RCC1: variants seen among roughly 807,000 people sequenced by gnomAD.
The protein encoded by RCC1 is regulator of chromosome condensation.
RCC1 carries 11 observed loss-of-function variants against 44.4 expected under a neutral mutation model. The observed-to-expected ratio is 0.25, with a 90% CI of 0.16 to 0.41. The LOEUF (loss-of-function observed/expected upper bound fraction) is 0.41. Among genes scored for constraint, RCC1 ranks in the 10% least tolerant of loss-of-function variants. RCC1 has a pLI of 1.00. For missense variants in RCC1, 386 were observed against 547.1 expected (o/e 0.71, Z 2.94); for synonymous variants, 213 against 216.5 (o/e 0.98, Z 0.14).
At chr1:28,506,123 C>T (rs895994631) in intron 1 of RCC1, 39 bp downstream of exon 1, 2 of 454,814 alleles carry the variant, frequency 4.4e-6, no homozygotes, top group South Asian at 3.1e-5. Context: ...AGATGCTTGC[C>T]ACCGGAGTTG....
intron 4 of RCC1, among the ~76,000 whole-genome samples, chr1:28,520,539 T>A (rs1217175231): frequency 2.0e-5 from 3 of 152,192 alleles, no homozygotes; most frequent in Non-Finnish European, 4.4e-5. Flanking sequence ...CTGAGCCTCA[T>A]CTTCCCCTTA....
At chr1:28,506,228 G>A (rs1220784833) in intron 1 of RCC1, 144 bp downstream of exon 1, 2 of 432,028 alleles carry the variant, frequency 4.6e-6, no homozygotes, top group Non-Finnish European at 9.1e-6. Context: ...AGACGGAGTC[G>A]GTTTGTCACT....
intron 2 of RCC1, 194 bp from the exon 3 acceptor site, chr1:28,508,636 T>A (rs1039476266): frequency 1.9e-6 from 1 of 518,910 alleles, no homozygotes; most frequent in African/African-American, 1.9e-5. Context: ...CTCTGCCCCA[T>A]GATGTACAGT....
chr1:28,536,339 TTC>T lies in RCC1; in HGVS notation c.899_900del (p.Ser300TrpfsTer22), dbSNP rs1447932639. 1.2e-6 allele frequency: 2 copies of T among 1,614,054 alleles called. No individual in the cohort carries two copies. The highest frequency in any genetic ancestry group is 1.7e-6 in the Non-Finnish European group (2 of 1,180,016). ...FKNSTKSWVG[F>X]SGGQHHTVCM... is the part of the protein sequence containing the mutation. ...GAATTCCACCAAGTCCTGGGTGGGC[TTC>T]TCTGGTGGCCAGCACCATACAGTCT... On this transcript the variant is annotated frameshift_variant, in exon 11 of 13. Coordinates refer to ENST00000683442, the MANE Select transcript of RCC1 (RefSeq NM_001381865.2). LOFTEE classifies it high-confidence loss of function. This position sits in a 1 kb window ranked among gnomAD's most constrained non-coding sequence, Gnocchi z 4.9.
intron 4 of RCC1, among the ~76,000 whole-genome samples, chr1:28,521,166 G>A (rs1663242675): frequency 6.6e-6 from 1 of 152,046 alleles, no homozygotes; most frequent in African/African-American, 2.4e-5. Context: ...TGCAGTAGAG[G>A]CTGTGCAGGC....
chr1:28,527,485 C>G (rs1234164418), intron 4 of RCC1, among the ~76,000 whole-genome samples: 1 of 152,120 alleles, frequency 6.6e-6, no homozygotes, highest in Non-Finnish European at 1.5e-5. Context: ...TCAAGCGATC[C>G]TCCTGCCTCG....
At chr1:28,519,869 G>A (rs1194026759) in intron 4 of RCC1, among the ~76,000 whole-genome samples, 3 of 150,948 alleles carry the variant, frequency 2.0e-5, no homozygotes, top group Admixed American at 2.0e-4. Context: ...CACCGCACCC[G>A]GCCAATTTTT....
chr1:28,506,782 A>C (rs1661977677), intron 1 of RCC1: 1 of 156,164 alleles, frequency 6.4e-6, no homozygotes, highest in Admixed American at 6.2e-5. Flanking sequence ...CACCACTGCA[A>C]CCTCCGCCTG....
At chr1:28,515,681 C>T (rs1557869503) in intron 3 of RCC1, among the ~76,000 whole-genome samples, 1 of 152,024 alleles carries the variant, frequency 6.6e-6, no homozygotes, top group Non-Finnish European at 1.5e-5. Flanking sequence ...TGCACCACTG[C>T]ACTCCAGCCT....
In RCC1 at chr1:28,508,689, C is replaced by T. The variant is rs150540883; in HGVS notation, c.-228-141C>T. The T allele has an allele frequency of 7.4e-3, 3,848 of 519,000 alleles. 65 individuals are homozygous for T. The highest frequency in any genetic ancestry group is 0.026 in the South Asian group (1,872 of 71,588). The allele number at this position is 519,000 out of a possible 1,614,324, so 32.1% of individuals were successfully genotyped here. A position where few individuals can be genotyped will look rare whatever the true frequency, so the allele number is the denominator to read the frequency against. On this transcript the variant is annotated intron_variant, in intron 2 of 12. Coordinates refer to ENST00000683442, the MANE Select transcript of RCC1 (RefSeq NM_001381865.2). The stretch of plus-strand genomic sequence containing the variant: ...AAGATGAAGCTGGGCCTCGTGTCTG[C>T]GCCTGCATATTCCTACAGCTTCCCA...
At chr1:28,510,594 T>G (rs1337925533) in intron 3 of RCC1, 38 of 152,150 alleles carry the variant, frequency 2.5e-4, no homozygotes, top group Admixed American at 1.6e-3. Flanking sequence ...CAGAGTTAAG[T>G]CTCAAAAAAA....
At position 28,535,896 on chromosome 1, in the gene RCC1, G is replaced by A; in HGVS notation, c.687G>A (p.Val229=). The A allele has an allele frequency of 6.2e-7, 1 of 1,614,002 alleles. No individual in the cohort carries two copies. The highest frequency in any genetic ancestry group is 8.5e-7 in the Non-Finnish European group (1 of 1,179,892). Residue 229 remains valine, a synonymous_variant, in exon 10 of 13, where the codon GTG becomes GTA. Coordinates refer to ENST00000683442, the MANE Select transcript of RCC1 (RefSeq NM_001381865.2). The part of the protein sequence containing the change: ...GLERLLVPKC[V]MLKSRGSRGH... ...AACGACTCCTGGTCCCCAAGTGTGT[G>A]ATGCTGAAATCCAGGGGAAGCCGGG...
At chr1:28,515,892 C>A (rs779757581) in intron 3 of RCC1, among the ~76,000 whole-genome samples, 2 of 151,668 alleles carry the variant, frequency 1.3e-5, no homozygotes, top group Non-Finnish European at 2.9e-5. Flanking sequence ...ACTAAAAATA[C>A]ACAAAATGGC....
At chr1:28,532,680 C>G (rs1664254115) in intron 7 of RCC1, 3 of 495,582 alleles carry the variant, frequency 6.1e-6, no homozygotes, top group Non-Finnish European at 1.2e-5. Flanking sequence ...CCAGCACTGC[C>G]TCTTCCACAC....
At chr1:28,506,325 C>T (rs1390828938) in intron 1 of RCC1, 1 of 412,792 alleles carries the variant, frequency 2.4e-6, no homozygotes, top group Non-Finnish European at 4.8e-6. Flanking sequence ...GCTGGGATTA[C>T]AGGCACGTGC....
intron 1 of RCC1, chr1:28,507,645 C>G: frequency 2.3e-6 from 1 of 436,096 alleles, no homozygotes; most frequent in South Asian, 1.6e-5. Flanking sequence ...CTCTGTTGCC[C>G]AGGCTGGAGT....
chr1:28,523,544 T>C (rs1397980994), intron 4 of RCC1, among the ~76,000 whole-genome samples: 1 of 152,158 alleles, frequency 6.6e-6, no homozygotes, highest in Non-Finnish European at 1.5e-5. Flanking sequence ...CCATCCATGA[T>C]AACAGATTTT....
chr1:28,514,904 C>G (rs1662799220), intron 3 of RCC1, among the ~76,000 whole-genome samples: 1 of 152,080 alleles, frequency 6.6e-6, no homozygotes, highest in Non-Finnish European at 1.5e-5. Flanking sequence ...TCTTCCATTT[C>G]TCACTATATA....
chr1:28,523,220 A>G (rs1477213220), intron 4 of RCC1, among the ~76,000 whole-genome samples: 2 of 151,566 alleles, frequency 1.3e-5, no homozygotes, highest in Non-Finnish European at 2.9e-5. Flanking sequence ...TTTAGTAGAG[A>G]CGGGGTTTCA....
Sources: allele counts gnomAD v4.1 joint callset (sites outside exome capture counted in the v4.1 genomes callset), GRCh38; gene constraint gnomAD v4.1.1; non-coding constraint Gnocchi (gnomAD v3.1); transcripts MANE v1.5; gene names NCBI Gene and HGNC (gene_info 2026-07-23, HGNC 2026-07-21).